LMBR1: variants seen among roughly 807,000 people sequenced by gnomAD.
LMBR1 encodes the protein limb region 1 protein homolog.
A neutral mutation model predicts 73.9 loss-of-function variants in LMBR1; 52 were observed. That is an observed-to-expected ratio of 0.70 (90% confidence interval 0.56 to 0.89). The LOEUF (loss-of-function observed/expected upper bound fraction) is 0.89. LMBR1 is among the 40% of genes least tolerant of loss of function. The pLI, the probability that LMBR1 is intolerant of heterozygous loss-of-function variation, is 0.00. For synonymous variants in LMBR1, 215 were observed against 209.4 expected (o/e 1.03, Z -0.23); for missense variants, 539 against 579.8 (o/e 0.93, Z 0.72).
At chr7:156,845,014 C>T (rs143389818) in intron 1 of LMBR1, among the ~76,000 whole-genome samples, 5 of 152,250 alleles carry the variant, frequency 3.3e-5, no homozygotes, top group Non-Finnish European at 7.3e-5. Flanking sequence ...GGCCTATCGG[C>T]TTCAACTAAT....
At chr7:156,885,393 G>T (rs904249381) in intron 1 of LMBR1, among the ~76,000 whole-genome samples, 5 of 151,666 alleles carry the variant, frequency 3.3e-5, no homozygotes, top group Non-Finnish European at 7.4e-5. Context: ...CCCAGACTTG[G>T]TTCCAAAAAT....
intron 1 of LMBR1, among the ~76,000 whole-genome samples, chr7:156,857,391 G>C (rs1797119621): frequency 6.6e-6 from 1 of 152,130 alleles, no homozygotes; most frequent in African/African-American, 2.4e-5. Context: ...ACAAAGAACA[G>C]CAATACATAG....
At chr7:156,872,689 T>C (rs1586374870) in intron 1 of LMBR1, among the ~76,000 whole-genome samples, 1 of 147,098 alleles carries the variant, frequency 6.8e-6, no homozygotes, top group Non-Finnish European at 1.5e-5. Flanking sequence ...ATTAAGGAGG[T>C]GAAAGACCTG....
intron 1 of LMBR1, among the ~76,000 whole-genome samples, chr7:156,890,198 T>C (rs987614469): frequency 1.6e-4 from 24 of 151,970 alleles, no homozygotes; most frequent in Admixed American, 1.6e-3. Context: ...AAATTCGAAA[T>C]AGATTGCAAA....
At chr7:156,886,948 G>T (rs1231380116) in intron 1 of LMBR1, among the ~76,000 whole-genome samples, 1 of 152,150 alleles carries the variant, frequency 6.6e-6, no homozygotes, top group Admixed American at 6.5e-5. Context: ...ATTCTGGTTG[G>T]GAATTCAGTT....
At chr7:156,733,949 C>CTT in intron 10 of LMBR1, 1 of 340,202 alleles carries the variant, frequency 2.9e-6, no homozygotes, top group Non-Finnish European at 5.4e-6. Flanking sequence ...ATCTTTGAAC[C>CTT]TGTGAACCTT....
intron 5 of LMBR1, chr7:156,779,607 T>TG (rs1826762178): frequency 1.3e-5 from 13 of 1,008,682 alleles, no homozygotes; most frequent in Non-Finnish European, 1.7e-5. Context: ...TGCTGGTCAA[T>TG]TATACATTTA....
At chr7:156,675,980 C>T (rs557477583), downstream of LMBR1, 5 of 1,097,882 alleles carry the variant, frequency 4.6e-6, no homozygotes, top group South Asian at 5.9e-5. Context: ...GAGTGTCAGG[C>T]CCGGGGTGCA....
chr7:156,761,589 G>A (rs1823000564), intron 8 of LMBR1, among the ~76,000 whole-genome samples: 2 of 152,036 alleles, frequency 1.3e-5, no homozygotes, highest in Admixed American at 6.5e-5. Flanking sequence ...TTTGCTAGAG[G>A]AATTTTTACC....
At chr7:156,826,065 C>T (rs990021336) in intron 4 of LMBR1, among the ~76,000 whole-genome samples, 32 of 152,244 alleles carry the variant, frequency 2.1e-4, no homozygotes, top group African/African-American at 7.5e-4. Flanking sequence ...CTGCAATCTC[C>T]ACCTCCCAGG....
intron 1 of LMBR1, among the ~76,000 whole-genome samples, chr7:156,869,038 T>C (rs1051289225): frequency 6.6e-6 from 1 of 152,238 alleles, no homozygotes; most frequent in Non-Finnish European, 1.5e-5. Context: ...TATTAATAGA[T>C]ATTAACAGTG....
chr7:156,754,106 G>A (rs1821413567), intron 9 of LMBR1, among the ~76,000 whole-genome samples: 1 of 152,158 alleles, frequency 6.6e-6, no homozygotes, highest in Non-Finnish European at 1.5e-5. Context: ...CTGATAACAA[G>A]ATGGCTTATT....
rs1211813875 is a variant in LMBR1 at position 156,774,542 on chromosome 7, A to G, written c.424-10747T>C. 3.9e-5 allele frequency among the ~76,000 whole-genome samples: 6 copies of G among 152,208 alleles called. No homozygotes were observed. The East Asian group carries it at 9.6e-4, about 24-fold the overall frequency. ...GAATACTATGCAGCAATAAAAACAAATGAGATCAGCCGGGTGAGACAGCTC... is the reference window on the plus strand; with the variant it reads ...GAATACTATGCAGCAATAAAAACAAGTGAGATCAGCCGGGTGAGACAGCTC... On this transcript the variant is annotated intron_variant, in intron 5 of 16. Transcript: ENST00000353442.
rs1802103292 is a variant in LMBR1 at position 156,669,920 on chromosome 7, A to G, written n.867-633T>C. 6.6e-6 allele frequency among the ~76,000 whole-genome samples: 1 copy of G among 152,210 alleles called. No homozygotes were observed. The highest frequency in any genetic ancestry group is 2.4e-5 in the African/African-American group (1 of 41,472). On this transcript the variant is annotated intron_variant and non_coding_transcript_variant, in intron 4 of 4. Coordinates refer to the LMBR1 transcript ENST00000430825. This position sits in a 1 kb window ranked among gnomAD's most constrained non-coding sequence, Gnocchi z 4.2. The stretch of plus-strand genomic sequence containing the variant: ...GCGGTCATGGCCTAGTGCCATGAAA[A>G]TGAAACACAGATCCCTGTTTAAAAG...
intron 9 of LMBR1, 93 bp downstream of exon 9, chr7:156,756,300 C>A: frequency 2.9e-6 from 2 of 686,538 alleles, no homozygotes; most frequent in South Asian, 3.2e-5. Flanking sequence ...GCACAAGATT[C>A]AGAGAGGTTT....
chr7:156,767,677 C>T (rs974384460), intron 5 of LMBR1, among the ~76,000 whole-genome samples: 1 of 151,268 alleles, frequency 6.6e-6, no homozygotes, highest in Non-Finnish European at 1.5e-5. Flanking sequence ...GAAAACAGAA[C>T]AAAAATGTAA....
At chr7:156,690,064 G>T (rs1348396102) in intron 15 of LMBR1, among the ~76,000 whole-genome samples, 1 of 152,152 alleles carries the variant, frequency 6.6e-6, no homozygotes, top group Non-Finnish European at 1.5e-5. Context: ...TACACAGCAC[G>T]AAGTTCACTG....
intron 5 of LMBR1, among the ~76,000 whole-genome samples, chr7:156,785,202 G>A (rs112585343): frequency 0.032 from 4,837 of 152,056 alleles, 122 homozygotes; most frequent in South Asian, 0.084. Context: ...ACTTGAGCCC[G>A]GGAGGCAGAG....
intron 4 of LMBR1, among the ~76,000 whole-genome samples, chr7:156,820,660 G>C (rs1402413202): frequency 6.6e-6 from 1 of 152,158 alleles, no homozygotes; most frequent in African/African-American, 2.4e-5. Context: ...GGCGCCTCCT[G>C]CATCAAAAAA....
Sources: gnomAD v4.1 joint callset for allele counts (sites outside exome capture counted in the v4.1 genomes callset) on GRCh38, gnomAD v4.1.1 for gene constraint, Gnocchi (gnomAD v3.1) non-coding constraint, MANE v1.5 for transcripts, NCBI Gene and HGNC (gene_info 2026-07-23, HGNC 2026-07-21) for gene names.